UNC45A: variants seen among roughly 807,000 people sequenced by gnomAD.
UNC45A encodes the protein unc-45 myosin chaperone A.
Under a neutral mutation model 103.2 loss-of-function variants are expected in UNC45A, and 78 were observed. That is an observed-to-expected ratio of 0.76 (90% CI 0.63 to 0.91). The LOEUF is 0.91. Ranked by LOEUF, UNC45A falls within the 40% of genes least tolerant of loss-of-function variation. The pLI is 0.00. For synonymous variants in UNC45A, 495 were observed against 504.6 expected, an observed-to-expected ratio of 0.98 and a Z score of 0.25; for missense variants, 1,193 against 1,224.8, an observed-to-expected ratio of 0.97 and a Z score of 0.39.
rs148859891 is a variant in UNC45A at position 90,942,470 on chromosome 15, C to A, written c.721C>A (p.Arg241=). The A allele has an allele frequency of 6.2e-7, 1 of 1,613,884 alleles. No individual in the cohort carries two copies. The highest frequency in any genetic ancestry group is 8.5e-7 in the Non-Finnish European group (1 of 1,179,912). ...VATLSILGTR[R]VVSILGVESQ... is the part of the protein sequence containing the mutation. ...AACCCTGAGCATACTGGGAACTCGGCGAGTAGTCTCCATCCTGGGCGTGGA... is the reference window on the plus strand; with the variant it reads ...AACCCTGAGCATACTGGGAACTCGGAGAGTAGTCTCCATCCTGGGCGTGGA... The change falls in exon 7 of 20, where the codon CGA becomes AGA. Residue 241 remains arginine, a synonymous_variant. Coordinates refer to ENST00000418476, the MANE Select transcript of UNC45A (RefSeq NM_018671.5).
upstream of UNC45A, chr15:90,935,204 C>A: frequency 4.9e-6 from 5 of 1,020,646 alleles, no homozygotes; most frequent in South Asian, 5.5e-5. Context: ...TTAGCCCTGC[C>A]CCTCTCTGAC....
At chr15:90,945,450 C>T (rs2036516419) in intron 9 of UNC45A, among the ~76,000 whole-genome samples, 1 of 151,974 alleles carries the variant, frequency 6.6e-6, no homozygotes, top group African/African-American at 2.4e-5. Flanking sequence ...CAACCTTCGC[C>T]TCTAGGGTTC....
In UNC45A at chr15:90,946,854, G is replaced by A. The variant is rs146865609; in HGVS notation, c.1440G>A (p.Ser480=). The A allele has an allele frequency of 1.1e-4, 173 of 1,613,914 alleles. No homozygotes were observed. The highest frequency in any genetic ancestry group is 1.3e-4 in the Non-Finnish European group (159 of 1,179,942). The change falls in exon 10 of 20, where the codon TCG becomes TCA. Residue 480 remains serine (S), a synonymous_variant. Coordinates refer to ENST00000418476, the MANE Select transcript of UNC45A (RefSeq NM_018671.5). ...CATTCATCACTGCCAATGGTGTCTC[G>A]CTGCTGAAGGACCTATATAAGTGCA... ...RASFITANGV[S]LLKDLYKCSE... is the part of the protein sequence containing the mutation.
chr15:90,943,152 A>G (rs2036380516), intron 8 of UNC45A, 70 bp downstream of exon 8: 1 of 1,513,926 alleles, frequency 6.6e-7, no homozygotes, highest in Non-Finnish European at 8.9e-7. Flanking sequence ...GTAATAAGAA[A>G]AGTTGTGAGT....
intron 2 of UNC45A, 92 bp from the exon 3 acceptor site, chr15:90,935,854 G>A: frequency 6.3e-7 from 1 of 1,593,986 alleles, no homozygotes; most frequent in Non-Finnish European, 8.5e-7. Flanking sequence ...GGGGGATCGG[G>A]TGACCTTGGA....
At chr15:90,931,343 G>A, upstream of UNC45A, 8 of 1,552,438 alleles carry the variant, frequency 5.2e-6, no homozygotes, top group Non-Finnish European at 7.0e-6. Flanking sequence ...TTTGTTCCCT[G>A]AAGCCCCTTC....
rs2036656082 is a variant in UNC45A at position 90,947,893 on chromosome 15, G to A, written c.1595+3G>A. On this transcript the variant is annotated splice_donor_region_variant and intron_variant, in intron 11 of 19. Coordinates refer to ENST00000418476, the MANE Select transcript of UNC45A (RefSeq NM_018671.5). ...AAACTGGCTAAGCAGTGTCGAAAGT[G>A]AGTCATCTGGCCTTGCTGTGGTTCC... is the stretch of plus-strand genomic sequence containing the variant. 6.2e-7 allele frequency: 1 copy of A among 1,612,704 alleles called. No homozygotes were observed. Among genetic ancestry groups the A allele is most frequent in the Non-Finnish European group, 8.5e-7 (1 of 1,179,396 alleles).
At chr15:90,941,601 T>G (rs768173676) in intron 6 of UNC45A, among the ~76,000 whole-genome samples, 14 of 152,112 alleles carry the variant, frequency 9.2e-5, no homozygotes, top group Non-Finnish European at 2.1e-4. Context: ...AGCTGCTAAG[T>G]GGAAGCAGTC....
intron 8 of UNC45A, among the ~76,000 whole-genome samples, chr15:90,944,622 C>T (rs1370509472): frequency 6.6e-6 from 1 of 152,148 alleles, no homozygotes; most frequent in South Asian, 2.1e-4. Context: ...CTTAGTTTTA[C>T]AGATGAGGAA....
rs768006643 is a variant in UNC45A, at chr15:90,950,261, C to G, written c.2181C>G (p.Gly727=). The change falls in exon 16 of 20, where the codon GGC becomes GGG. Residue 727 remains glycine (G), a synonymous_variant. Coordinates refer to ENST00000418476, the MANE Select transcript of UNC45A (RefSeq NM_018671.5). ...ITSNPEMTFP[G]ERIYEVVRPL... ...CCAACCCGGAGATGACCTTCCCTGG[C>G]GAGCGGGTACGTGTCTTCCTGCCCC... The G allele has an allele frequency of 6.4e-7, 1 of 1,551,576 alleles. No homozygotes were observed. Among genetic ancestry groups the G allele is most frequent in the African/African-American group, 1.4e-5 (1 of 73,046 alleles).
Position 90,948,268 on chromosome 15 carries a change from G to T in UNC45A, c.1722G>T (p.Leu574=), listed in dbSNP as rs755440919. The part of the protein sequence containing the change: ...FVEDAAALKA[L]FQLSRLEERS... ...AGGATGCGGCTGCTCTGAAAGCTCT[G>T]TTCCAGCTCAGCAGGGTAGCTCTGT... The change falls in exon 12 of 20, where the codon CTG becomes CTT. Residue 574 remains leucine, a synonymous_variant. Transcript: ENST00000418476. The T allele has an allele frequency of 8.7e-6, 14 of 1,613,778 alleles. No homozygotes were observed. In the Admixed American group the frequency reaches 1.5e-4, roughly 17 times the overall value.
In UNC45A at chr15:90,939,754, T is replaced by C; in HGVS notation, c.450T>C (p.Asp150=). The change falls in exon 5 of 20, where the codon GAT becomes GAC. Residue 150 remains aspartate (D), a synonymous_variant. Transcript: ENST00000418476. ...AGGTGCGATACATGTCCTCGACGGA[T>C]GCCAAAGTGGAACAGATGTTTCAGA... ...QEKVRYMSST[D]AKVEQMFQIL... 3 of 1,614,194 alleles carry C rather than the reference T, an allele frequency of 1.9e-6. No homozygotes were observed. Among genetic ancestry groups the C allele is most frequent in the Non-Finnish European group, 2.5e-6 (3 of 1,180,034 alleles).
Position 90,953,304 on chromosome 15 carries a change from C to T in UNC45A, c.2571C>T (p.Pro857=), listed in dbSNP as rs990937266. 3.7e-6 allele frequency: 6 copies of T among 1,608,346 alleles called. No individual in the cohort carries two copies. The South Asian group carries it at 4.4e-5, about 12-fold the overall frequency. The change falls in exon 19 of 20, where the codon CCC becomes CCT. Residue 857 remains proline, a synonymous_variant. Coordinates refer to ENST00000418476, the MANE Select transcript of UNC45A (RefSeq NM_018671.5). ...SMRPTLCSRI[P]QVTTHWLEIL... ...GGCCCACGCTCTGCAGCCGCATTCC[C>T]CAAGTGGTCAGTGCCTCTTCTCAGT... is the stretch of plus-strand genomic sequence containing the variant.
chr15:90,932,206 T>C (rs759252883), upstream of UNC45A: 10 of 1,328,018 alleles, frequency 7.5e-6, no homozygotes, highest in Non-Finnish European at 1.0e-5. Flanking sequence ...CCTTGTGGAC[T>C]CTGACTAGCT....
chr15:90,945,275 A>G (rs980134191), intron 9 of UNC45A, among the ~76,000 whole-genome samples: 4 of 152,184 alleles, frequency 2.6e-5, no homozygotes, highest in East Asian at 1.9e-4. Flanking sequence ...CAATGTTCCA[A>G]TAATGCAACA....
chr15:90,950,215 T>G lies in UNC45A; in HGVS notation c.2135T>G (p.Leu712Arg). Residue 712 changes from leucine to arginine, a missense_variant, in exon 16 of 20, where the codon CTT (leucine) becomes CGT (arginine). Transcript: ENST00000418476. ...DVGQTKAAQA[L>R]AKLTITSNPE... ...GGGCAGACAAAGGCAGCCCAGGCCC[T>G]TGCCAAGCTCACCATCACCTCCAAC... The G allele has an allele frequency of 1.9e-6, 3 of 1,551,754 alleles. No individual in the cohort carries two copies. The highest frequency in any genetic ancestry group is 2.6e-6 in the Non-Finnish European group (3 of 1,146,998).
At chr15:90,931,291 CG>C (rs768366806), upstream of UNC45A, 3 of 1,550,878 alleles carry the variant, frequency 1.9e-6, no homozygotes, top group South Asian at 3.6e-5. Flanking sequence ...TGTCAGCCCC[CG>C]CTGCTTGAAC....
intron 4 of UNC45A, among the ~76,000 whole-genome samples, chr15:90,936,979 CTT>C (rs1055314478): frequency 2.0e-5 from 3 of 152,178 alleles, no homozygotes; most frequent in Non-Finnish European, 2.9e-5. Flanking sequence ...ACTACAGACT[CTT>C]ATATAGTTAC....
intron 4 of UNC45A, among the ~76,000 whole-genome samples, chr15:90,938,924 G>A (rs985667617): frequency 1.3e-5 from 2 of 151,840 alleles, no homozygotes; most frequent in Non-Finnish European, 2.9e-5. Flanking sequence ...TGCCCACCTC[G>A]GCCTCCCAAA....
Sources: allele counts gnomAD v4.1 joint callset (sites outside exome capture counted in the v4.1 genomes callset), GRCh38; gene constraint gnomAD v4.1.1; transcripts MANE v1.5; gene names NCBI Gene and HGNC (gene_info 2026-07-23, HGNC 2026-07-21).